CERKL: variants seen among roughly 807,000 people sequenced by gnomAD.
The protein encoded by CERKL is CERK like autophagy regulator, also known as ceramide kinase-like protein.
In CERKL, 61 loss-of-function variants were observed where a neutral mutation model predicts 63.4. That is an observed-to-expected ratio of 0.96 (90% CI 0.78 to 1.19). The LOEUF (loss-of-function observed/expected upper bound fraction) is 1.19. Among genes scored for constraint, CERKL ranks in the 50% most tolerant of loss-of-function variants. CERKL has a pLI of 0.00. For missense variants in CERKL, 675 were observed against 655.5 expected (o/e 1.03, Z -0.33); for synonymous variants, 250 against 230.5 (o/e 1.08, Z -0.77).
intron 1 of CERKL, among the ~76,000 whole-genome samples, chr2:181,651,586 G>A (rs915944482): frequency 2.6e-5 from 4 of 152,082 alleles, no homozygotes; most frequent in African/African-American, 7.2e-5. Flanking sequence ...GACCAATAAC[G>A]AGATCAATTC....
intron 11 of CERKL, among the ~76,000 whole-genome samples, chr2:181,539,679 G>C (rs912569440): frequency 6.6e-6 from 1 of 152,122 alleles, no homozygotes; most frequent in South Asian, 2.1e-4. Flanking sequence ...TTGGAAGAAC[G>C]CAAGTCTAAA....
At chr2:181,560,064 T>C (rs1481632769) in intron 4 of CERKL, among the ~76,000 whole-genome samples, 1 of 152,190 alleles carries the variant, frequency 6.6e-6, no homozygotes, top group African/African-American at 2.4e-5. Context: ...TGTTTACTAA[T>C]TTCTATTAAA....
At chr2:181,622,946 CCTAA>C (rs1255312683) in intron 1 of CERKL, among the ~76,000 whole-genome samples, 1 of 152,150 alleles carries the variant, frequency 6.6e-6, no homozygotes, top group East Asian at 1.9e-4. Flanking sequence ...CCTGCTCATG[CCTAA>C]CTTTCTCCTG....
rs182692582 is a variant in CERKL, at chr2:181,646,125, G to A, written c.238+10644C>T. ...GCCTGAGCTAGGGTAGTGATTGGTCGGACAGAGAAGGATGGCAGATTGGAG... is the reference window on the plus strand; with the variant it reads ...GCCTGAGCTAGGGTAGTGATTGGTCAGACAGAGAAGGATGGCAGATTGGAG... On this transcript the variant is annotated intron_variant, in intron 1 of 12. Transcript: ENST00000410087. 6.6e-5 allele frequency among the ~76,000 whole-genome samples: 10 copies of A among 152,264 alleles called. No homozygotes were observed. In the East Asian group the frequency reaches 1.3e-3, roughly 21 times the overall value.
intron 1 of CERKL, among the ~76,000 whole-genome samples, chr2:181,615,056 CTG>C (rs1278517880): frequency 2.0e-5 from 3 of 152,210 alleles, no homozygotes; most frequent in Non-Finnish European, 4.4e-5. Flanking sequence ...AGAACATTAA[CTG>C]TCCTCTCACA....
chr2:181,583,640 G>A (rs1383466316), intron 2 of CERKL, among the ~76,000 whole-genome samples: 1 of 152,220 alleles, frequency 6.6e-6, no homozygotes, highest in Non-Finnish European at 1.5e-5. Context: ...TCACTGGAAA[G>A]AGCAACTGAA....
At chr2:181,564,978 A>G (rs1170112282) in intron 4 of CERKL, among the ~76,000 whole-genome samples, 1 of 152,164 alleles carries the variant, frequency 6.6e-6, no homozygotes, top group Non-Finnish European at 1.5e-5. Flanking sequence ...ATTGCTATCT[A>G]GATTTACTTC....
intron 2 of CERKL, among the ~76,000 whole-genome samples, chr2:181,602,897 A>C (rs1685516214): frequency 6.6e-6 from 1 of 152,022 alleles, no homozygotes; most frequent in African/African-American, 2.4e-5. Flanking sequence ...AATCTAAGAC[A>C]AAAAAAATAA....
chr2:181,537,536 T>C lies in CERKL; in HGVS notation c.*648A>G, dbSNP rs144129463. ...TAACTATGTGATTTTGAAATTTAAC[T>C]GCTCTGGATTAGGGAGCAGTGAATC... On this transcript the variant is annotated 3_prime_UTR_variant, in exon 13 of 13. Transcript: ENST00000410087. The C allele has an allele frequency of 2.9e-5, 13 of 447,988 alleles. No individual in the cohort carries two copies. In the East Asian group the frequency reaches 4.9e-4, roughly 17 times the overall value. 27.8% of individuals were successfully genotyped at this position (447,988 alleles called of 1,614,324 possible).
chr2:181,586,435 A>C (rs1355891298), intron 2 of CERKL, among the ~76,000 whole-genome samples: 3 of 152,018 alleles, frequency 2.0e-5, no homozygotes, highest in Admixed American at 2.0e-4. Flanking sequence ...TAAATCCCCT[A>C]AACTCCTTGA....
chr2:181,578,882 T>C (rs1259901547), intron 2 of CERKL, among the ~76,000 whole-genome samples: 1 of 152,022 alleles, frequency 6.6e-6, no homozygotes, highest in Non-Finnish European at 1.5e-5. Flanking sequence ...ATGCAATGAA[T>C]GCTATTCTCC....
At chr2:181,556,061 C>T (rs1688190838) in intron 5 of CERKL, among the ~76,000 whole-genome samples, 1 of 151,912 alleles carries the variant, frequency 6.6e-6, no homozygotes, top group African/African-American at 2.4e-5. Context: ...CTTATTAAAC[C>T]TTTTAAATGT....
chr2:181,586,099 C>G (rs1020250037), intron 2 of CERKL, among the ~76,000 whole-genome samples: 5 of 151,924 alleles, frequency 3.3e-5, no homozygotes, highest in African/African-American at 4.8e-5. Flanking sequence ...GGAACTGTAA[C>G]AATAAGATGA....
chr2:181,548,853 A>C lies in CERKL; in HGVS notation c.900T>G (p.His300Gln). ...ITATLHIIMG[H>Q]VQLVDVCTFS... ...AGGTGCAGACGTCGACCAGCTGTAC[A>C]TGCCCTTGAATATTACATTAAATAT... Residue 300 changes from histidine (H) to glutamine (Q), a missense_variant, in exon 7 of 13, where the codon CAT (histidine) becomes CAG (glutamine). Coordinates refer to ENST00000410087, the MANE Select transcript of CERKL (RefSeq NM_201548.5). The C allele has an allele frequency of 6.2e-7, 1 of 1,613,558 alleles. No homozygotes were observed. Among genetic ancestry groups the C allele is most frequent in the African/African-American group, 1.3e-5 (1 of 75,056 alleles).
chr2:181,545,966 C>G (rs1257488976), intron 10 of CERKL, among the ~76,000 whole-genome samples: 1 of 151,966 alleles, frequency 6.6e-6, no homozygotes, highest in African/African-American at 2.4e-5. Context: ...GCAATTTGCA[C>G]TGAGATATTC....
intron 2 of CERKL, among the ~76,000 whole-genome samples, chr2:181,602,208 C>T (rs549284927): frequency 6.6e-5 from 10 of 152,236 alleles, no homozygotes; most frequent in Non-Finnish European, 1.0e-4. Context: ...GAAGTTGCCT[C>T]AGTGTAGCCC....
intron 1 of CERKL, chr2:181,649,653 CAT>C (rs766263268): frequency 3.9e-5 from 6 of 152,216 alleles, no homozygotes; most frequent in African/African-American, 7.2e-5. Flanking sequence ...GGAGAGATCA[CAT>C]GTTAGGCCAC....
intron 2 of CERKL, among the ~76,000 whole-genome samples, chr2:181,588,407 C>T (rs975180336): frequency 3.9e-5 from 6 of 152,120 alleles, no homozygotes; most frequent in Non-Finnish European, 2.9e-5. Context: ...GGTTCAACCA[C>T]GTTGTGGCAA....
intron 4 of CERKL, among the ~76,000 whole-genome samples, chr2:181,561,486 T>G (rs1344045988): frequency 1.3e-5 from 2 of 151,234 alleles, no homozygotes; most frequent in African/African-American, 4.9e-5. Context: ...CCAACCTGAC[T>G]CTGGTATAGC....
Sources: gnomAD v4.1 joint callset for allele counts (sites outside exome capture counted in the v4.1 genomes callset) on GRCh38, gnomAD v4.1.1 for gene constraint, MANE v1.5 for transcripts, NCBI Gene and HGNC (gene_info 2026-07-23, HGNC 2026-07-21) for gene names.